NUDT6: variants seen among roughly 807,000 people sequenced by gnomAD.
The protein encoded by NUDT6 is FAD diphosphatase NUDT6.
A neutral mutation model predicts 36.8 loss-of-function variants in NUDT6; 24 were observed. That is an observed-to-expected ratio of 0.65 (90% CI 0.47 to 0.92). The LOEUF (loss-of-function observed/expected upper bound fraction) is 0.92. NUDT6 is among the 40% of genes least tolerant of loss of function. The pLI is 0.00. For synonymous variants in NUDT6, 163 were observed against 157.0 expected, an observed-to-expected ratio of 1.04 and a Z score of -0.29; for missense variants, 388 against 392.8, an observed-to-expected ratio of 0.99 and a Z score of 0.10.
rs200650453 is a variant in NUDT6, at chr4:122,893,215, C to T, written c.564G>A (p.Ala188=). The change falls in exon 5 of 5, where the codon GCG becomes GCA. Residue 188 remains alanine (A), a synonymous_variant. Coordinates refer to ENST00000304430, the MANE Select transcript of NUDT6 (RefSeq NM_007083.5). Reference sequence around the variant, plus strand: ...CAGTCTCTTCAAAAACTTCTCGAACCGCTGTGTCTCCTACGTAAAAAAAGA... The same window carrying T: ...CAGTCTCTTCAAAAACTTCTCGAACTGCTGTGTCTCCTACGTAAAAAAAGA... The part of the protein sequence containing the change: ...SEPEEDIGDT[A]VREVFEETGI... The T allele has an allele frequency of 1.7e-4, 265 of 1,602,630 alleles. No individual in the cohort carries two copies. The highest frequency in any genetic ancestry group is 2.1e-4 in the Non-Finnish European group (247 of 1,172,988).
chr4:122,920,578 G>A (rs1159449817), intron 1 of NUDT6: 1 of 152,222 alleles, frequency 6.6e-6, no homozygotes, highest in Non-Finnish European at 1.5e-5. Context: ...GTGGCAATTT[G>A]CCTAATGCCT....
intron 1 of NUDT6, chr4:122,920,001 A>G (rs532886080): frequency 2.6e-5 from 4 of 152,250 alleles, no homozygotes; most frequent in African/African-American, 9.6e-5. Flanking sequence ...ACTGATGCAG[A>G]TATGTTATGT....
intron 2 of NUDT6, among the ~76,000 whole-genome samples, chr4:122,916,382 G>A (rs1727844289): frequency 6.6e-6 from 1 of 152,064 alleles, no homozygotes; most frequent in African/African-American, 2.4e-5. Context: ...TTAAACAACT[G>A]TTTGGCACAA....
At position 122,922,560 on chromosome 4, in the gene NUDT6, G is replaced by C; in HGVS notation, c.13C>G (p.Leu5Val). MRQP[L>V]SWGRWRAMLA... Reference sequence around the variant, plus strand: ...ATCGCGCGCCAGCGGCCCCAGCTCAGTGGCTGCCGCATCTCCACGCCGCTT... The same window carrying C: ...ATCGCGCGCCAGCGGCCCCAGCTCACTGGCTGCCGCATCTCCACGCCGCTT... The change falls in exon 1 of 5, where the codon CTG (leucine) becomes GTG (valine). Residue 5 changes from leucine to valine, a missense_variant. Transcript: ENST00000304430. 1 of 1,599,112 alleles carries C rather than the reference G, an allele frequency of 6.3e-7. No homozygotes were observed. The highest frequency in any genetic ancestry group is 1.7e-5 in the Admixed American group (1 of 59,670).
chr4:122,921,611 A>AAC (rs1553953084), intron 1 of NUDT6: 11 of 119,130 alleles, frequency 9.2e-5, no homozygotes, highest in African/African-American at 4.2e-4. Context: ...AAAAAAAAAA[A>AAC]AAAAAAACAA....
chr4:122,917,691 T>C lies in NUDT6; in HGVS notation c.252A>G (p.Gln84=). 6.2e-7 allele frequency: 1 copy of C among 1,614,140 alleles called. No individual in the cohort carries two copies. The highest frequency in any genetic ancestry group is 8.5e-7 in the Non-Finnish European group (1 of 1,179,982). ...CAGCTGTTCTACCTTCTGATCGCCA[T>C]TGCTGTACTGCAGCTAAATGCAGAA... ...FQKGLQAAVQ[Q]WRSEGRTAVW... Residue 84 remains glutamine (Q), a synonymous_variant, in exon 2 of 5, where the codon CAA becomes CAG. Coordinates refer to ENST00000304430, the MANE Select transcript of NUDT6 (RefSeq NM_007083.5).
Position 122,892,606 on chromosome 4 carries a change from A to G in NUDT6, c.*222T>C, listed in dbSNP as rs1727217373. 1 of 1,435,974 alleles carries G rather than the reference A, an allele frequency of 7.0e-7. No homozygotes were observed. Among genetic ancestry groups the G allele is most frequent in the Non-Finnish European group, 9.1e-7 (1 of 1,099,762 alleles). 89.0% of individuals were successfully genotyped at this position (1,435,974 alleles called of 1,614,324 possible). On this transcript the variant is annotated 3_prime_UTR_variant, in exon 5 of 5. Transcript: ENST00000304430. ...ATGTATATTCTCCCTTTTATATTGCATCTGCTGTTACCCAGTGAAGCTTAC... is the reference window on the plus strand; with the variant it reads ...ATGTATATTCTCCCTTTTATATTGCGTCTGCTGTTACCCAGTGAAGCTTAC...
At chr4:122,914,162 T>C (rs1355644861) in intron 2 of NUDT6, among the ~76,000 whole-genome samples, 1 of 152,138 alleles carries the variant, frequency 6.6e-6, no homozygotes, top group Non-Finnish European at 1.5e-5. Context: ...AGGTGATAAA[T>C]GCTATGTAGA....
intron 3 of NUDT6, among the ~76,000 whole-genome samples, chr4:122,903,559 G>C (rs1164355958): frequency 6.6e-6 from 1 of 152,176 alleles, no homozygotes; most frequent in Non-Finnish European, 1.5e-5. Context: ...AGTTGATGCT[G>C]TTATTGTCTC....
intron 4 of NUDT6, chr4:122,894,725 A>G (rs895493971): frequency 4.6e-5 from 7 of 152,182 alleles, no homozygotes; most frequent in Non-Finnish European, 8.8e-5. Flanking sequence ...TTAAATGTCC[A>G]TTTTTATTCA....
chr4:122,922,307 G>A (rs762461139), intron 1 of NUDT6, 28 bp downstream of exon 1: 5 of 1,572,904 alleles, frequency 3.2e-6, no homozygotes, highest in Admixed American at 1.7e-5. Flanking sequence ...CTGGAGCCCC[G>A]GGAGCCCTTC....
At chr4:122,917,919 A>C (rs1255576433) in intron 1 of NUDT6, 1 of 549,056 alleles carries the variant, frequency 1.8e-6, no homozygotes, top group Non-Finnish European at 3.3e-6. Context: ...CTTCAGAATA[A>C]AGTCATTACA....
At chr4:122,895,106 C>CTT (rs748530905) in intron 4 of NUDT6, 4 of 152,168 alleles carry the variant, frequency 2.6e-5, no homozygotes, top group Non-Finnish European at 5.9e-5. Flanking sequence ...CAAATAAGTG[C>CTT]TTTTGTCTCC....
chr4:122,892,908 C>A lies in NUDT6; in HGVS notation c.871G>T (p.Ala291Ser), dbSNP rs1472194302. 6.2e-7 allele frequency: 1 copy of A among 1,614,018 alleles called. No individual in the cohort carries two copies. Residue 291 changes from alanine (A) to serine (S), a missense_variant, in exon 5 of 5, where the codon GCA becomes TCA. Ala to Ser is a moderately conservative substitution (Grantham distance 99). Transcript: ENST00000304430. Reference protein sequence around the residue: ...KIDLTVEELPAVYTGLFYKLY... With the variant: ...KIDLTVEELPSVYTGLFYKLY... ...TTATAAAACAGTCCTGTGTAAACTG[C>A]TGGAAGTTCTTCCACAGTCAGGTCA...
chr4:122,908,024 T>G (rs1323905840), intron 3 of NUDT6, among the ~76,000 whole-genome samples: 2 of 152,016 alleles, frequency 1.3e-5, no homozygotes, highest in Non-Finnish European at 2.9e-5. Flanking sequence ...CCTGGATCCT[T>G]TCCTCCTACT....
At position 122,892,715 on chromosome 4, in the gene NUDT6, A is replaced by C. The variant is rs994757888; in HGVS notation, c.*113T>G. On this transcript the variant is annotated 3_prime_UTR_variant, in exon 5 of 5. Transcript: ENST00000304430. ...GCATGTTTAGAAACAAAATTTCTTC[A>C]TGGAAATCATATACATTAGAAAATC... 7 of 1,345,976 alleles carry C rather than the reference A, an allele frequency of 5.2e-6. No homozygotes were observed. The highest frequency in any genetic ancestry group is 6.9e-6 in the Non-Finnish European group (7 of 1,009,970). 83.4% of individuals were successfully genotyped at this position (1,345,976 alleles called of 1,614,324 possible).
intron 3 of NUDT6, among the ~76,000 whole-genome samples, chr4:122,908,930 C>A (rs1018562971): frequency 2.0e-5 from 3 of 152,164 alleles, no homozygotes; most frequent in Non-Finnish European, 4.4e-5. Context: ...ATAAAAACTT[C>A]TTTCTTTCTT....
chr4:122,896,440 T>C (rs1222230058), intron 4 of NUDT6: 2 of 152,204 alleles, frequency 1.3e-5, no homozygotes, highest in African/African-American at 2.4e-5. Flanking sequence ...TTGCCCAATA[T>C]AGATTGGGTA....
intron 2 of NUDT6, among the ~76,000 whole-genome samples, chr4:122,915,469 C>CAAAAAA (rs61032259): frequency 1.2e-4 from 5 of 42,250 alleles, no homozygotes; most frequent in African/African-American, 3.3e-4. Context: ...GACCCTGCCT[C>CAAAAAA]AAAAAAAAAA....
Sources: gnomAD v4.1 joint callset for allele counts (sites outside exome capture counted in the v4.1 genomes callset) on GRCh38, gnomAD v4.1.1 for gene constraint, MANE v1.5 for transcripts, NCBI Gene and HGNC (gene_info 2026-07-23, HGNC 2026-07-21) for gene names.